Variants in PFKFB3 observed in about 807,000 individuals in gnomAD.
PFKFB3 encodes 6-phosphofructo-2-kinase/fructose-2,6-biphosphatase 3.
PFKFB3 carries 33 observed loss-of-function variants against 68.0 expected under a neutral mutation model. That is an observed-to-expected ratio of 0.49 (90% confidence interval 0.37 to 0.65). The LOEUF (loss-of-function observed/expected upper bound fraction) is 0.65, where lower values mean the gene tolerates loss of function less well. Among genes scored for constraint, PFKFB3 ranks in the 30% least tolerant of loss-of-function variants. The pLI is 0.00. For missense variants in PFKFB3, 586 were observed against 712.2 expected (o/e 0.82, Z 2.02); for synonymous variants, 315 against 288.2 (o/e 1.09, Z -0.94).
intron 14 of PFKFB3, among the ~76,000 whole-genome samples, chr10:6,253,009 C>T (rs1031828154): frequency 1.3e-5 from 2 of 152,200 alleles, no homozygotes; most frequent in African/African-American, 4.8e-5. Flanking sequence ...GCCTCCACCT[C>T]CTGGGTTCAA....
intron 14 of PFKFB3, 41 bp from the exon 15 acceptor site, chr10:6,232,854 A>G: frequency 1.3e-6 from 2 of 1,562,126 alleles, no homozygotes; most frequent in Non-Finnish European, 1.8e-6. Flanking sequence ...CCAGCTACAA[A>G]TCCTAACTCC....
At chr10:6,301,612 T>C in the PFKFB3 span, among the ~76,000 whole-genome samples, 16 of 152,222 alleles carry the variant, frequency 1.1e-4, no homozygotes, top group Non-Finnish European at 2.1e-4. Flanking sequence ...TTTTATTTTC[T>C]CTGGAAAGCA....
At chr10:6,214,663 C>T (rs1033155191) in intron 2 of PFKFB3, among the ~76,000 whole-genome samples, 1 of 152,076 alleles carries the variant, frequency 6.6e-6, no homozygotes, top group African/African-American at 2.4e-5. Context: ...TATTTTTTAA[C>T]CCTTGCTCAT....
rs1330113281 is a variant in PFKFB3 at position 6,229,216 on chromosome 10, G to C, written c.1515+2851G>C. 2.0e-6 allele frequency: 1 copy of C among 502,226 alleles called. No homozygotes were observed. The highest frequency in any genetic ancestry group is 4.1e-6 in the Non-Finnish European group (1 of 243,808). The allele number at this position is 502,226 out of a possible 1,614,324, so 31.1% of individuals were successfully genotyped here. A position where few individuals can be genotyped will look rare whatever the true frequency, so the allele number is the denominator to read the frequency against. On this transcript the variant is annotated intron_variant, in intron 14 of 14. Transcript: ENST00000379775. This position sits in a 1 kb window ranked among gnomAD's most constrained non-coding sequence, Gnocchi z 4.3. The stretch of plus-strand genomic sequence containing the variant: ...GCGCTCAGATTTTGGTGGCAAAGGG[G>C]TGAAGGGCCAGAGGATGTACCAGTG...
At chr10:6,216,052 T>C (rs2148293) in intron 3 of PFKFB3, 73 bp from the exon 4 acceptor site, 1,247,576 of 1,289,958 alleles carry the variant, frequency 0.97, 608,090 homozygotes, top group East Asian at 1. Context: ...TGTCGGGGCG[T>C]GTCGGGAGTT....
At chr10:6,223,822 G>C (rs1564637390) in intron 11 of PFKFB3, 136 bp from the exon 12 acceptor site, 35 of 743,332 alleles carry the variant, frequency 4.7e-5, no homozygotes, top group Non-Finnish European at 6.8e-5. Context: ...TTGCCATGTT[G>C]GTCAGGCTGG....
At chr10:6,225,333 G>T in intron 13 of PFKFB3, 1 of 403,884 alleles carries the variant, frequency 2.5e-6, no homozygotes, top group South Asian at 1.8e-5. Flanking sequence ...GCAGTTGCCT[G>T]GCTGGTGGGC....
At chr10:6,153,137 A>C (rs1841648131) in intron 1 of PFKFB3, among the ~76,000 whole-genome samples, 1 of 151,884 alleles carries the variant, frequency 6.6e-6, no homozygotes, top group African/African-American at 2.4e-5. Context: ...ATGCCACTGC[A>C]CTCCAGCCTG....
chr10:6,174,212 G>C (rs1278764542), intron 1 of PFKFB3, among the ~76,000 whole-genome samples: 2 of 152,128 alleles, frequency 1.3e-5, no homozygotes. Context: ...CTTGTTATTT[G>C]TTCTGGACTC....
At chr10:6,150,611 C>G (rs561789406) in intron 1 of PFKFB3, among the ~76,000 whole-genome samples, 1 of 152,062 alleles carries the variant, frequency 6.6e-6, no homozygotes, top group East Asian at 1.9e-4. Flanking sequence ...GGCGACAGAG[C>G]GAGACTGTCT....
At chr10:6,169,657 G>A (rs1428941136) in intron 1 of PFKFB3, among the ~76,000 whole-genome samples, 1 of 152,138 alleles carries the variant, frequency 6.6e-6, no homozygotes, top group African/African-American at 2.4e-5. Flanking sequence ...ATTCGGTGAT[G>A]TATCCTGGGC....
chr10:6,195,362 A>G lies in PFKFB3; in HGVS notation c.17-18261A>G, dbSNP rs370809731. On this transcript the variant is annotated intron_variant, in intron 1 of 14. Coordinates refer to the PFKFB3 transcript ENST00000379789. ...CTCACAGACGTCTAGAGTTTTCTTC[A>G]TCTTGTTGTGTCTGGGTCTGCACAA... is the stretch of plus-strand genomic sequence containing the variant. 3.3e-4 allele frequency among the ~76,000 whole-genome samples: 50 copies of G among 152,254 alleles called. 1 individual carries two copies. The South Asian group carries it at 9.6e-3, about 29-fold the overall frequency.
chr10:6,247,710 C>A (rs1846289299), intron 14 of PFKFB3, among the ~76,000 whole-genome samples: 1 of 152,216 alleles, frequency 6.6e-6, no homozygotes, highest in African/African-American at 2.4e-5. Flanking sequence ...GTCCTCCAGA[C>A]CCCTCCTAAG....
intron 14 of PFKFB3, among the ~76,000 whole-genome samples, chr10:6,251,929 C>T (rs1588571073): frequency 6.6e-6 from 1 of 152,146 alleles, no homozygotes; most frequent in Non-Finnish European, 1.5e-5. Flanking sequence ...GATTGTGCCA[C>T]TGCACTCCAG....
At chr10:6,244,603 C>G (rs1166325583) in intron 14 of PFKFB3, among the ~76,000 whole-genome samples, 1 of 152,120 alleles carries the variant, frequency 6.6e-6, no homozygotes, top group Non-Finnish European at 1.5e-5. Flanking sequence ...TATTCTCTTA[C>G]ACGGTAATAA....
the PFKFB3 span, chr10:6,326,412 C>T: frequency 2.6e-6 from 1 of 390,338 alleles, no homozygotes; most frequent in Non-Finnish European, 5.1e-6. Flanking sequence ...TGTAGCAAAC[C>T]TGCACATCCT....
chr10:6,159,184 C>G (rs78938497), intron 1 of PFKFB3, among the ~76,000 whole-genome samples: 22 of 151,642 alleles, frequency 1.5e-4, no homozygotes, highest in Admixed American at 1.4e-3. Flanking sequence ...CCCTTGAGGT[C>G]AGGAGTTCGA....
chr10:6,198,492 AT>A (rs973503303), upstream of PFKFB3, among the ~76,000 whole-genome samples: 2 of 151,848 alleles, frequency 1.3e-5, no homozygotes, highest in African/African-American at 2.4e-5. Flanking sequence ...AAAAATAATA[AT>A]TTTTTTTGAG....
At chr10:6,199,513 C>T (rs557213163), upstream of PFKFB3, among the ~76,000 whole-genome samples, 31 of 150,352 alleles carry the variant, frequency 2.1e-4, no homozygotes, top group Middle Eastern at 3.4e-3. Flanking sequence ...GTGACAGGGT[C>T]TCACTCTGTC....
Sources: gnomAD v4.1 joint callset for allele counts (sites outside exome capture counted in the v4.1 genomes callset) on GRCh38, gnomAD v4.1.1 for gene constraint, Gnocchi (gnomAD v3.1) non-coding constraint, MANE v1.5 for transcripts, NCBI Gene and HGNC (gene_info 2026-07-23, HGNC 2026-07-21) for gene names.